The following HEATR1 variants were observed in gnomAD, a reference collection of about 807,000 sequenced individuals.
HEATR1 encodes HEAT repeat-containing protein 1.
Under a neutral mutation model 248.2 loss-of-function variants are expected in HEATR1, and 77 were observed. The observed-to-expected ratio is 0.31, with a 90% confidence interval of 0.26 to 0.37. The LOEUF (loss-of-function observed/expected upper bound fraction) is 0.37, where lower values mean the gene tolerates loss of function less well. Among genes scored for constraint, HEATR1 ranks in the 10% least tolerant of loss-of-function variants. HEATR1 has a pLI of 1.00. For missense variants in HEATR1, 2,420 were observed against 2,504.9 expected (o/e 0.97, Z 0.72); for synonymous variants, 897 against 923.1 (o/e 0.97, Z 0.51).
At chr1:236,568,899 A>AC (rs541156130) in intron 29 of HEATR1, 97 bp downstream of exon 29, 214,461 of 523,960 alleles carry the variant, frequency 0.41, 21,257 homozygotes, top group Admixed American at 0.53. Flanking sequence ...AAAAAAAAAC[A>AC]AAAAAAAAAA....
rs544468829 is a variant in HEATR1 at position 236,593,126 on chromosome 1, G to A, written c.1194-493C>T. 1.4e-4 allele frequency among the ~76,000 whole-genome samples: 22 copies of A among 152,140 alleles called. No individual in the cohort carries two copies. The South Asian group carries it at 3.3e-3, about 23-fold the overall frequency. On this transcript the variant is annotated intron_variant, in intron 9 of 44. Coordinates refer to ENST00000366582, the MANE Select transcript of HEATR1 (RefSeq NM_018072.6). ...GGAGAATCGCTTGAACCTGGGAGGC[G>A]GAGGTTGCAGTGAGCCGAGATTGTG...
intron 22 of HEATR1, among the ~76,000 whole-genome samples, chr1:236,575,700 A>G (rs1359578131): frequency 6.6e-6 from 1 of 152,182 alleles, no homozygotes; most frequent in Non-Finnish European, 1.5e-5. Context: ...TAACACTGGG[A>G]TGAAAGAACC....
chr1:236,571,252 G>A, intron 28 of HEATR1, 99 bp downstream of exon 28: 1 of 1,393,556 alleles, frequency 7.2e-7, no homozygotes, highest in South Asian at 1.5e-5. Flanking sequence ...AGATTCCAAA[G>A]CCTAATTGAT....
chr1:236,564,379 C>G, intron 32 of HEATR1, 119 bp downstream of exon 32: 1 of 793,170 alleles, frequency 1.3e-6, no homozygotes, highest in Non-Finnish European at 2.0e-6. Flanking sequence ...GTTCTATTAT[C>G]TTTAAAGGCG....
intron 38 of HEATR1, 65 bp downstream of exon 38, chr1:236,556,035 A>G (rs1662966122): frequency 6.2e-7 from 1 of 1,606,842 alleles, no homozygotes; most frequent in South Asian, 1.1e-5. Flanking sequence ...TCTTTAAGTC[A>G]AAGTTTACAC....
At chr1:236,554,914 G>A (rs1386286523) in intron 41 of HEATR1, among the ~76,000 whole-genome samples, 162 bp from the exon 42 acceptor site, 2 of 152,144 alleles carry the variant, frequency 1.3e-5, no homozygotes, top group Admixed American at 6.5e-5. Flanking sequence ...ATGGTCTCTC[G>A]AAGAATGATT....
rs1306018489 is a variant in HEATR1, at chr1:236,603,167, T to A, written c.352A>T (p.Ile118Phe). ...TGTAATTCTATTAGCTACCTGTGAA[T>A]CAACCACTCCAGACACTTCTGTGCT... ...KPAQKCLEWL[I>F]HRFHIHLYNQ... The change falls in exon 3 of 45, where the codon ATT becomes TTT. Residue 118 changes from isoleucine to phenylalanine, a missense_variant. Ile to Phe is a conservative substitution (Grantham distance 21, BLOSUM62 0). Transcript: ENST00000366582. 2 of 1,611,444 alleles carry A rather than the reference T, an allele frequency of 1.2e-6. No individual in the cohort carries two copies. Among genetic ancestry groups the A allele is most frequent in the Non-Finnish European group, 1.7e-6 (2 of 1,177,638 alleles).
chr1:236,568,893 A>AC lies in HEATR1; in HGVS notation c.4077+102_4077+103insG, dbSNP rs1177979078. The AC allele has an allele frequency of 8.7e-3, 5,267 of 607,754 alleles. 248 individuals carry two copies. In the African/African-American group the frequency reaches 0.14, roughly 17 times the overall value. The allele number at this position is 607,754 out of a possible 1,614,324, so 37.6% of individuals were successfully genotyped here. A position where few individuals can be genotyped will look rare whatever the true frequency, so the allele number is the denominator to read the frequency against. On this transcript the variant is annotated intron_variant, in intron 29 of 44. Transcript: ENST00000366582. ...ACAACTGTTGAGGATATTAAAAAAAAAAAACAAAAAAAAAAAACTAAAAAA... is the reference window on the plus strand; with the variant it reads ...ACAACTGTTGAGGATATTAAAAAAAACAAAACAAAAAAAAAAAACTAAAAAA...
chr1:236,596,774 T>C (rs1664187421), intron 6 of HEATR1, 62 bp downstream of exon 6: 1 of 1,477,652 alleles, frequency 6.8e-7, no homozygotes, highest in Non-Finnish European at 9.1e-7. Flanking sequence ...AAAAAAACTT[T>C]CGAAAGCAAG....
rs761880768 is a variant in HEATR1, at chr1:236,592,540, A to G, written c.1287T>C (p.Ile429=). ...SLLNEQFLPL[I]RLLESKYPRT... is the part of the protein sequence containing the mutation. ...TAACTTACTTGCTTTCTAAAAGCCT[A>G]ATGAGTGGAAGAAATTGTTCATTAA... Residue 429 remains isoleucine (I), a synonymous_variant, in exon 10 of 45, where the codon ATT becomes ATC. Transcript: ENST00000366582. The G allele has an allele frequency of 2.9e-5, 42 of 1,433,234 alleles. No homozygotes were observed. The East Asian group carries it at 9.4e-4, about 32-fold the overall frequency. The allele number at this position is 1,433,234 out of a possible 1,614,324, so 88.8% of individuals were successfully genotyped here. A position where few individuals can be genotyped will look rare whatever the true frequency, so the allele number is the denominator to read the frequency against.
intron 43 of HEATR1, 44 bp from the exon 44 acceptor site, chr1:236,552,151 GTATT>G (rs1572028594): frequency 1.6e-6 from 2 of 1,286,270 alleles, no homozygotes; most frequent in Non-Finnish European, 2.3e-6. Context: ...TAGTGTTACT[GTATT>G]TATTATCTTA....
chr1:236,554,949 ACACT>A (rs1423959843), intron 41 of HEATR1, among the ~76,000 whole-genome samples, 197 bp from the exon 42 acceptor site: 1 of 152,224 alleles, frequency 6.6e-6, no homozygotes, highest in Non-Finnish European at 1.5e-5. Context: ...TAAGATTCTA[ACACT>A]CACTCTGGCA....
Position 236,592,435 on chromosome 1 carries a change from T to G in HEATR1, c.1304+88A>C, listed in dbSNP as rs1664063078. ...TTTAAAAAGGACAGTCTCTGTACAATTCAGTATATTAAGATGTGACTTGTG... is the reference window on the plus strand; with the variant it reads ...TTTAAAAAGGACAGTCTCTGTACAAGTCAGTATATTAAGATGTGACTTGTG... On this transcript the variant is annotated intron_variant, in intron 10 of 44. Transcript: ENST00000366582. The G allele has an allele frequency of 4.4e-6, 3 of 684,004 alleles. No individual in the cohort carries two copies. The Admixed American group carries it at 8.0e-5, about 18-fold the overall frequency. 42.4% of individuals were successfully genotyped at this position (684,004 alleles called of 1,614,324 possible). A position where few individuals can be genotyped will look rare whatever the true frequency, so the allele number is the denominator to read the frequency against.
intron 39 of HEATR1, 34 bp downstream of exon 39, chr1:236,555,771 G>A (rs772075042): frequency 5.0e-6 from 8 of 1,613,596 alleles, no homozygotes; most frequent in Non-Finnish European, 6.8e-6. Flanking sequence ...GTGGATAACA[G>A]CTTTAGGATT....
intron 31 of HEATR1, 128 bp downstream of exon 31, chr1:236,565,791 C>T: frequency 3.3e-6 from 3 of 909,244 alleles, no homozygotes; most frequent in Non-Finnish European, 4.9e-6. Context: ...AGAAACTACA[C>T]AATCAAATTA....
chr1:236,553,510 G>A, intron 43 of HEATR1, 71 bp downstream of exon 43: 1 of 1,456,218 alleles, frequency 6.9e-7, no homozygotes, highest in Non-Finnish European at 9.4e-7. Flanking sequence ...CTACATCTGT[G>A]ACCACCTGCA....
In HEATR1 at chr1:236,592,038, A is replaced by G. The variant is rs772054368; in HGVS notation, c.1377T>C (p.Leu459=). 6.4e-5 allele frequency: 103 copies of G among 1,608,656 alleles called. No homozygotes were observed. Among genetic ancestry groups the G allele is most frequent in the Non-Finnish European group, 8.6e-5 (101 of 1,176,034 alleles). ...TAGAAAGAGAAACAAACTGATGGAA[A>G]AGCTCTTGTTTTTTCAGATCTGCAA... ...KEIADLKKQE[L]FHQFVSLSTS... Residue 459 remains leucine, a synonymous_variant, in exon 11 of 45, where the codon CTT becomes CTC. Coordinates refer to ENST00000366582, the MANE Select transcript of HEATR1 (RefSeq NM_018072.6).
In HEATR1 at chr1:236,555,843, A is replaced by G; in HGVS notation, c.5611T>C (p.Phe1871Leu). 2 of 1,614,150 alleles carry G rather than the reference A, an allele frequency of 1.2e-6. No individual in the cohort carries two copies. Among genetic ancestry groups the G allele is most frequent in the Non-Finnish European group, 1.7e-6 (2 of 1,179,986 alleles). Reference protein sequence around the residue: ...TSHQSQLTAFFLEALDFRAQH... With the variant: ...TSHQSQLTAFLLEALDFRAQH... ...GCTCGGAAGTCCAGGGCTTCCAGGAAAAAGGCGGTTAGCTGAGACTGATGG... is the reference window on the plus strand; with the variant it reads ...GCTCGGAAGTCCAGGGCTTCCAGGAGAAAGGCGGTTAGCTGAGACTGATGG... The change falls in exon 39 of 45, where the codon TTC (phenylalanine) becomes CTC (leucine). Residue 1871 changes from phenylalanine (F) to leucine (L), a missense_variant. Transcript: ENST00000366582.
Position 236,572,807 on chromosome 1 carries a change from C to T in HEATR1, c.3481G>A (p.Val1161Ile). 1 of 1,613,906 alleles carries T rather than the reference C, an allele frequency of 6.2e-7. No homozygotes were observed. Among genetic ancestry groups the T allele is most frequent in the South Asian group, 1.1e-5 (1 of 91,072 alleles). The change falls in exon 25 of 45, where the codon GTC becomes ATC. Residue 1161 changes from valine to isoleucine, a missense_variant. By Grantham distance (29) the Val-to-Ile change is conservative. Coordinates refer to ENST00000366582, the MANE Select transcript of HEATR1 (RefSeq NM_018072.6). The part of the protein sequence containing the change: ...FKGISVNAEQ[V>I]RIELEPPDKA... ...TCTGGTGGCTCCAGTTCTATTCGGA[C>T]TTGTTCAGCATTAACGGAAATCTGA... is the stretch of plus-strand genomic sequence containing the variant.
Sources: gnomAD v4.1 joint callset for allele counts (sites outside exome capture counted in the v4.1 genomes callset) on GRCh38, gnomAD v4.1.1 for gene constraint, MANE v1.5 for transcripts, NCBI Gene and HGNC (gene_info 2026-07-23, HGNC 2026-07-21) for gene names.